MOB3B: variants seen among roughly 807,000 people sequenced by gnomAD.
The protein encoded by MOB3B is MOB kinase activator-like 2B.
MOB3B carries 7 observed loss-of-function variants against 18.7 expected under a neutral mutation model. The observed-to-expected ratio is 0.37, with a 90% CI of 0.21 to 0.70. MOB3B has a LOEUF of 0.70. Ranked by LOEUF, MOB3B falls within the 30% of genes least tolerant of loss-of-function variation. The pLI is 0.52. For synonymous variants in MOB3B, 111 were observed against 99.9 expected (o/e 1.11, Z -0.66); for missense variants, 253 against 281.3 (o/e 0.90, Z 0.72).
chr9:27,469,220 A>G (rs907116942), intron 1 of MOB3B, among the ~76,000 whole-genome samples: 2 of 152,108 alleles, frequency 1.3e-5, no homozygotes, highest in African/African-American at 4.8e-5. Flanking sequence ...CTCCTGCCTC[A>G]GCCTCCCTAG....
At chr9:27,451,630 GGGA>G (rs1822786506) in intron 2 of MOB3B, among the ~76,000 whole-genome samples, 1 of 152,088 alleles carries the variant, frequency 6.6e-6, no homozygotes, top group Non-Finnish European at 1.5e-5. Context: ...GATCACAGTG[GGGA>G]GGAGATGAAG....
chr9:27,391,920 T>C (rs1248972027), intron 2 of MOB3B, among the ~76,000 whole-genome samples: 1 of 152,264 alleles, frequency 6.6e-6, no homozygotes, highest in Admixed American at 6.5e-5. Flanking sequence ...AGAAATCTCA[T>C]ATAATTCACA....
At chr9:27,449,934 T>C (rs1587223808) in intron 2 of MOB3B, among the ~76,000 whole-genome samples, 1 of 149,012 alleles carries the variant, frequency 6.7e-6, no homozygotes, top group African/African-American at 2.5e-5. Flanking sequence ...GCCGAGATCA[T>C]GCCATTGCAC....
In MOB3B at chr9:27,325,869, A is replaced by C. The variant is rs1486854581; in HGVS notation, c.*4718T>G. Reference sequence around the variant, plus strand: ...ATAAGGTTTAGAGAACATAGGAAGCAATTTGCTTCCATCAATAACCAGAAT... The same window carrying C: ...ATAAGGTTTAGAGAACATAGGAAGCCATTTGCTTCCATCAATAACCAGAAT... On this transcript the variant is annotated 3_prime_UTR_variant, in exon 4 of 4. Transcript: ENST00000262244. The C allele has an allele frequency of 6.6e-6, 1 of 152,192 alleles. No homozygotes were observed. The highest frequency in any genetic ancestry group is 6.5e-5 in the Admixed American group (1 of 15,278). The allele number at this position is 152,192 out of a possible 1,614,324, so 9.4% of individuals were successfully genotyped here. A position where few individuals can be genotyped will look rare whatever the true frequency, so the allele number is the denominator to read the frequency against.
chr9:27,389,082 T>C (rs979619272), intron 2 of MOB3B, among the ~76,000 whole-genome samples: 1 of 152,214 alleles, frequency 6.6e-6, no homozygotes, highest in African/African-American at 2.4e-5. Context: ...GGTATCCCAC[T>C]AATGCTTCCA....
intron 2 of MOB3B, among the ~76,000 whole-genome samples, chr9:27,377,324 G>A (rs938285926): frequency 2.6e-5 from 4 of 152,146 alleles, no homozygotes; most frequent in Non-Finnish European, 5.9e-5. Flanking sequence ...CACCTGCTGT[G>A]ACACAAATAC....
intron 1 of MOB3B, among the ~76,000 whole-genome samples, chr9:27,525,687 G>T (rs1327407390): frequency 1.3e-5 from 2 of 151,162 alleles, no homozygotes. Context: ...TAAAGGCATG[G>T]AAAATGCTGT....
chr9:27,438,735 C>T (rs186183010), intron 2 of MOB3B, among the ~76,000 whole-genome samples: 1 of 152,244 alleles, frequency 6.6e-6, no homozygotes, highest in African/African-American at 2.4e-5. Context: ...AACATGAAGT[C>T]CAATCAGCCC....
At chr9:27,505,540 T>C (rs1273247082) in intron 1 of MOB3B, among the ~76,000 whole-genome samples, 1 of 152,258 alleles carries the variant, frequency 6.6e-6, no homozygotes, top group East Asian at 1.9e-4. Context: ...CTGAGTTTTC[T>C]AAATGTATTT....
intron 1 of MOB3B, among the ~76,000 whole-genome samples, chr9:27,510,590 C>T (rs1820128507): frequency 6.6e-6 from 1 of 152,180 alleles, no homozygotes; most frequent in Non-Finnish European, 1.5e-5. Context: ...TTTTCATATA[C>T]TAACATATGC....
chr9:27,395,117 T>C (rs1821780403), intron 2 of MOB3B, among the ~76,000 whole-genome samples: 1 of 152,078 alleles, frequency 6.6e-6, no homozygotes, highest in South Asian at 2.1e-4. Flanking sequence ...ATCTGTGGAG[T>C]CATTAAGTCG....
intron 1 of MOB3B, among the ~76,000 whole-genome samples, chr9:27,497,102 T>C (rs1819914367): frequency 6.6e-6 from 1 of 152,214 alleles, no homozygotes; most frequent in South Asian, 2.1e-4. Context: ...AAGAATATTC[T>C]GAGTAGCTTC....
intron 2 of MOB3B, among the ~76,000 whole-genome samples, chr9:27,385,286 C>T (rs2131377526): frequency 6.6e-6 from 1 of 152,058 alleles, no homozygotes; most frequent in South Asian, 2.1e-4. Flanking sequence ...TCTTTTTTGC[C>T]AAGGCATATC....
At chr9:27,407,960 T>C (rs1052481050) in intron 2 of MOB3B, among the ~76,000 whole-genome samples, 15 of 152,202 alleles carry the variant, frequency 9.9e-5, no homozygotes, top group Non-Finnish European at 1.6e-4. Context: ...GACCTGGTCC[T>C]ACCTGCCCTA....
intron 1 of MOB3B, among the ~76,000 whole-genome samples, chr9:27,460,909 A>G (rs976524882): frequency 1.3e-5 from 2 of 152,222 alleles, no homozygotes; most frequent in African/African-American, 4.8e-5. Context: ...AAGAGGAACC[A>G]AAGTGGATCT....
chr9:27,438,986 G>T (rs765918524), intron 2 of MOB3B, among the ~76,000 whole-genome samples: 6 of 152,134 alleles, frequency 3.9e-5, no homozygotes, highest in Non-Finnish European at 7.4e-5. Context: ...ACGGTTTATT[G>T]ATATGTGTAG....
At chr9:27,447,532 A>C (rs1013682180) in intron 2 of MOB3B, among the ~76,000 whole-genome samples, 2 of 152,202 alleles carry the variant, frequency 1.3e-5, no homozygotes, top group Non-Finnish European at 2.9e-5. Context: ...AGCCCATTAA[A>C]ATTACATAGC....
At chr9:27,364,387 TA>T (rs2131360864) in intron 2 of MOB3B, among the ~76,000 whole-genome samples, 1 of 152,266 alleles carries the variant, frequency 6.6e-6, no homozygotes, top group Admixed American at 6.5e-5. Flanking sequence ...GATCCTTGGC[TA>T]AAAAGAGAGG....
intron 2 of MOB3B, among the ~76,000 whole-genome samples, chr9:27,391,552 A>G (rs1821728182): frequency 6.6e-6 from 1 of 152,252 alleles, no homozygotes; most frequent in African/African-American, 2.4e-5. Flanking sequence ...ATCAATTATT[A>G]AACTATTTTA....
Sources: gnomAD v4.1 joint callset for allele counts (sites outside exome capture counted in the v4.1 genomes callset) on GRCh38, gnomAD v4.1.1 for gene constraint, MANE v1.5 for transcripts, NCBI Gene and HGNC (gene_info 2026-07-23, HGNC 2026-07-21) for gene names.